PCCA: variants seen among roughly 807,000 people sequenced by gnomAD.
PCCA encodes the protein propionyl-CoA carboxylase alpha chain, mitochondrial.
In PCCA, 74 loss-of-function variants were observed where a neutral mutation model predicts 101.3. The ratio of observed to expected loss-of-function variants is 0.73; its 90% CI spans 0.61 to 0.89. The LOEUF is 0.89. Among genes scored for constraint, PCCA ranks in the 40% least tolerant of loss-of-function variants. The pLI, the probability that PCCA is intolerant of heterozygous loss-of-function variation, is 0.00. For synonymous variants in PCCA, 294 were observed against 313.6 expected (o/e 0.94, Z 0.66); for missense variants, 891 against 907.0 (o/e 0.98, Z 0.23).
At position 100,286,171 on chromosome 13, in the gene PCCA, T is replaced by C. The variant is rs189465177; in HGVS notation, c.1065+12825T>C. 7.1e-4 allele frequency among the ~76,000 whole-genome samples: 108 copies of C among 152,274 alleles called. 1 individual carries two copies. The highest frequency in any genetic ancestry group is 1.9e-4 in the East Asian group (1 of 5,176). On this transcript the variant is annotated intron_variant, in intron 12 of 23. Coordinates refer to ENST00000376285, the MANE Select transcript of PCCA (RefSeq NM_000282.4). ...ACTAAGATGTTCTGTGAGTAAACAATTGCACTGATCTATGATTCAGAAACC... is the reference window on the plus strand; with the variant it reads ...ACTAAGATGTTCTGTGAGTAAACAACTGCACTGATCTATGATTCAGAAACC...
chr13:100,180,342 C>G (rs973612927), intron 6 of PCCA, among the ~76,000 whole-genome samples: 1 of 152,196 alleles, frequency 6.6e-6, no homozygotes, highest in African/African-American at 2.4e-5. Context: ...CATCATAGCT[C>G]TCTGTGAAAA....
intron 20 of PCCA, among the ~76,000 whole-genome samples, chr13:100,431,857 C>T (rs1315794594): frequency 6.6e-6 from 1 of 151,170 alleles, no homozygotes; most frequent in East Asian, 2.0e-4. Flanking sequence ...CAGAGTGAGA[C>T]TCCATCTCAA....
intron 11 of PCCA, among the ~76,000 whole-genome samples, chr13:100,272,956 G>C (rs557262076): frequency 1.3e-5 from 2 of 152,182 alleles, no homozygotes; most frequent in Non-Finnish European, 1.5e-5. Context: ...AAGTTGCAGA[G>C]TAATGTGAAA....
intron 19 of PCCA, among the ~76,000 whole-genome samples, chr13:100,385,264 A>G (rs1180667010): frequency 6.6e-6 from 1 of 152,216 alleles, no homozygotes; most frequent in Admixed American, 6.5e-5. Context: ...TTAGGATAAT[A>G]AGTCAAGATA....
At chr13:100,365,948 T>C (rs2075118005) in intron 18 of PCCA, among the ~76,000 whole-genome samples, 1 of 152,212 alleles carries the variant, frequency 6.6e-6, no homozygotes, top group Non-Finnish European at 1.5e-5. Context: ...TAGCTTGGTT[T>C]AAGAGTCTGT....
chr13:100,482,551 G>A (rs1033078088), intron 21 of PCCA, among the ~76,000 whole-genome samples: 8 of 152,342 alleles, frequency 5.3e-5, no homozygotes, highest in Middle Eastern at 3.4e-3. Flanking sequence ...AACCCACTTA[G>A]AAATACTCTT....
intron 21 of PCCA, among the ~76,000 whole-genome samples, chr13:100,469,979 G>A (rs2082870542): frequency 6.6e-6 from 1 of 152,172 alleles, no homozygotes; most frequent in South Asian, 2.1e-4. Context: ...AACTGATTTT[G>A]AAACGTGGTC....
At chr13:100,250,756 A>G (rs564350884) in intron 8 of PCCA, among the ~76,000 whole-genome samples, 1 of 152,202 alleles carries the variant, frequency 6.6e-6, no homozygotes, top group Non-Finnish European at 1.5e-5. Context: ...AAAGGTATAG[A>G]TGTTTAGTCT....
At chr13:100,302,877 C>T in intron 13 of PCCA, 47 bp from the exon 14 acceptor site, 1 of 1,039,648 alleles carries the variant, frequency 9.6e-7, no homozygotes, top group Non-Finnish European at 1.5e-6. Flanking sequence ...CTTACTTGTG[C>T]TGATTTATAT....
chr13:100,415,611 T>C (rs1415836180), intron 19 of PCCA, among the ~76,000 whole-genome samples: 1 of 152,202 alleles, frequency 6.6e-6, no homozygotes, highest in Non-Finnish European at 1.5e-5. Context: ...ATGATCAAAG[T>C]CTTTTTAAAA....
At chr13:100,239,911 C>A (rs565036555) in intron 8 of PCCA, among the ~76,000 whole-genome samples, 1 of 152,184 alleles carries the variant, frequency 6.6e-6, no homozygotes, top group South Asian at 2.1e-4. Flanking sequence ...ATAAATGTCA[C>A]CCCTTTCAGT....
intron 4 of PCCA, among the ~76,000 whole-genome samples, chr13:100,153,279 A>G (rs2053552924): frequency 6.6e-6 from 1 of 152,220 alleles, no homozygotes; most frequent in South Asian, 2.1e-4. Flanking sequence ...GTAACTGTGC[A>G]AAGCAGTTAA....
chr13:100,433,105 TGTACAAATATCTGTTTGA>T (rs1466942898), intron 20 of PCCA, among the ~76,000 whole-genome samples: 1 of 152,244 alleles, frequency 6.6e-6, no homozygotes, highest in African/African-American at 2.4e-5. Context: ...TGAGCATGGG[TGTACAAATATCTGTTTGA>T]GTACCCCATT....
chr13:100,167,852 T>C (rs187252534), intron 6 of PCCA, among the ~76,000 whole-genome samples: 5 of 152,224 alleles, frequency 3.3e-5, no homozygotes, highest in African/African-American at 1.2e-4. Context: ...CTGCAAGCTC[T>C]GCCTCCCGGG....
At chr13:100,515,725 T>C (rs1336633371) in intron 22 of PCCA, among the ~76,000 whole-genome samples, 158 bp downstream of exon 22, 2 of 152,254 alleles carry the variant, frequency 1.3e-5, no homozygotes, top group Non-Finnish European at 2.9e-5. Flanking sequence ...TCGACCTGTT[T>C]CACGTTTGCA....
At chr13:100,180,259 TAGA>T (rs2056671879) in intron 6 of PCCA, among the ~76,000 whole-genome samples, 1 of 152,196 alleles carries the variant, frequency 6.6e-6, no homozygotes, top group Non-Finnish European at 1.5e-5. Context: ...AACAGTGCCC[TAGA>T]AGAAGTTAAA....
At chr13:100,251,627 A>T (rs550592379) in intron 8 of PCCA, among the ~76,000 whole-genome samples, 1 of 152,240 alleles carries the variant, frequency 6.6e-6, no homozygotes, top group South Asian at 2.1e-4. Flanking sequence ...AATTGTTTGG[A>T]TATAGGATCA....
chr13:100,149,861 A>C (rs1173490480), intron 4 of PCCA, among the ~76,000 whole-genome samples: 1 of 152,206 alleles, frequency 6.6e-6, no homozygotes, highest in Non-Finnish European at 1.5e-5. Context: ...GAGACCATTG[A>C]GTTTTATGCT....
intron 12 of PCCA, among the ~76,000 whole-genome samples, chr13:100,275,069 G>A (rs1456460577): frequency 1.3e-5 from 2 of 149,014 alleles, no homozygotes; most frequent in East Asian, 2.0e-4. Context: ...GGGGGGAGGG[G>A]GTGTTGAGTC....
Sources: gnomAD v4.1 joint callset for allele counts (sites outside exome capture counted in the v4.1 genomes callset) on GRCh38, gnomAD v4.1.1 for gene constraint, MANE v1.5 for transcripts, NCBI Gene and HGNC (gene_info 2026-07-23, HGNC 2026-07-21) for gene names.